The following IFIT1 variants were observed in gnomAD, a reference collection of about 807,000 sequenced individuals.
IFIT1 encodes the protein antiviral innate immune response effector IFIT1.
In IFIT1, 1 loss-of-function variant was observed where a neutral mutation model predicts 2.5. The ratio of observed to expected loss-of-function variants is 0.40; its 90% CI spans 0.14 to 1.92. The LOEUF is 1.92. Ranked by LOEUF, IFIT1 falls within the 40% of genes most tolerant of loss-of-function variation. The probability of loss-of-function intolerance (pLI) is 0.31; values close to 1 mark genes in which losing one functional copy is unlikely to be tolerated. For missense variants in IFIT1, 508 were observed against 557.8 expected, an observed-to-expected ratio of 0.91 and a Z score of 0.90; for synonymous variants, 191 against 201.7, an observed-to-expected ratio of 0.95 and a Z score of 0.45.
At chr10:89,398,006 C>T (rs1844369653) in intron 1 of IFIT1, among the ~76,000 whole-genome samples, 1 of 152,168 alleles carries the variant, frequency 6.6e-6, no homozygotes, top group Non-Finnish European at 1.5e-5. Context: ...CCATGACCAC[C>T]ATCCATCTCC....
chr10:89,401,219 C>T (rs1342299959), intron 1 of IFIT1, among the ~76,000 whole-genome samples: 1 of 151,742 alleles, frequency 6.6e-6, no homozygotes, highest in Non-Finnish European at 1.5e-5. Flanking sequence ...CAGACTCAAG[C>T]GATTCTCCTG....
intron 1 of IFIT1, chr10:89,392,968 G>A: frequency 1.5e-6 from 1 of 664,224 alleles, no homozygotes; most frequent in East Asian, 3.1e-5. Context: ...CCAAAGAAGG[G>A]GAGGGAAATG....
intron 1 of IFIT1, among the ~76,000 whole-genome samples, chr10:89,399,638 T>C (rs1173823488): frequency 6.6e-6 from 1 of 152,144 alleles, no homozygotes; most frequent in African/African-American, 2.4e-5. Context: ...CCTTTCCCCA[T>C]TAGATGGTCT....
At chr10:89,402,209 A>T in intron 1 of IFIT1, 72 bp from the exon 2 acceptor site, 5 of 895,156 alleles carry the variant, frequency 5.6e-6, no homozygotes, top group Non-Finnish European at 8.8e-6. Context: ...CTAAAATACA[A>T]GGTATTTTAT....
At position 89,392,814 on chromosome 10, in the gene IFIT1, G is replaced by A. The variant is rs374494435; in HGVS notation, c.5+97G>A. ...ACAGGTTAGATCTCAGTGAGGTCAGGTTTTCTAATTCCTCGATTTGAGTAT... is the reference window on the plus strand; with the variant it reads ...ACAGGTTAGATCTCAGTGAGGTCAGATTTTCTAATTCCTCGATTTGAGTAT... On this transcript the variant is annotated intron_variant, in intron 1 of 1. Transcript: ENST00000371804. 3.9e-6 allele frequency: 5 copies of A among 1,292,120 alleles called. No homozygotes were observed. In the African/African-American group the frequency reaches 5.9e-5, roughly 15 times the overall value. 80.0% of individuals were successfully genotyped at this position (1,292,120 alleles called of 1,614,324 possible).
intron 1 of IFIT1, among the ~76,000 whole-genome samples, chr10:89,392,920 T>C (rs770893870): frequency 3.3e-5 from 5 of 152,212 alleles, no homozygotes; most frequent in Non-Finnish European, 7.3e-5. Flanking sequence ...TTTATGTTTG[T>C]TAGCATGAAC....
chr10:89,398,939 CTGAGGAA>C (rs1439093858), intron 1 of IFIT1, among the ~76,000 whole-genome samples: 1 of 152,158 alleles, frequency 6.6e-6, no homozygotes, highest in African/African-American at 2.4e-5. Flanking sequence ...GTTAATTTTT[CTGAGGAA>C]TTACCATACC....
chr10:89,400,915 T>C (rs1844411977), intron 1 of IFIT1, among the ~76,000 whole-genome samples: 1 of 152,148 alleles, frequency 6.6e-6, no homozygotes, highest in Non-Finnish European at 1.5e-5. Context: ...ATGGCTTTAA[T>C]TGTGCTGAGA....
intron 1 of IFIT1, chr10:89,393,476 T>A: frequency 2.5e-6 from 1 of 393,236 alleles, no homozygotes; most frequent in Non-Finnish European, 4.4e-6. Context: ...CTCATGCTTG[T>A]AATCCCAGCA....
intron 1 of IFIT1, among the ~76,000 whole-genome samples, chr10:89,394,577 A>AATATATATAT (rs200060906): frequency 1.2e-3 from 125 of 108,680 alleles, no homozygotes; most frequent in Non-Finnish European, 1.9e-3. Flanking sequence ...ACTACAGGAA[A>AATATATATAT]ATATATATAT....
In IFIT1 at chr10:89,402,695, A is replaced by G. The variant is rs1844450490; in HGVS notation, c.420A>G (p.Glu140=). Residue 140 remains glutamate (E), a synonymous_variant, in exon 2 of 2, where the codon GAA becomes GAG. Coordinates refer to ENST00000371804, the MANE Select transcript of IFIT1 (RefSeq NM_001548.5). ...NPFRYRMECP[E]IDCEEGWALL... is the part of the protein sequence containing the mutation. ...TCCGCTATAGAATGGAGTGTCCAGA[A>G]ATAGACTGTGAGGAAGGATGGGCCT... The G allele has an allele frequency of 6.2e-6, 10 of 1,614,236 alleles. No individual in the cohort carries two copies. Among genetic ancestry groups the G allele is most frequent in the Non-Finnish European group, 8.5e-6 (10 of 1,180,038 alleles).
chr10:89,401,802 A>C (rs1189913418), intron 1 of IFIT1, among the ~76,000 whole-genome samples: 2 of 135,690 alleles, frequency 1.5e-5, no homozygotes, highest in African/African-American at 5.6e-5. Flanking sequence ...AAAAAAAAAA[A>C]CCCGGGTCAA....
At chr10:89,399,381 G>A (rs1461707029) in intron 1 of IFIT1, among the ~76,000 whole-genome samples, 2 of 152,154 alleles carry the variant, frequency 1.3e-5, no homozygotes, top group Non-Finnish European at 2.9e-5. Context: ...TTTTGGTGGA[G>A]TCCAGCTTAA....
intron 1 of IFIT1, among the ~76,000 whole-genome samples, chr10:89,398,715 C>G (rs1054208893): frequency 6.6e-6 from 1 of 152,080 alleles, no homozygotes; most frequent in Non-Finnish European, 1.5e-5. Context: ...AATGTCTTTT[C>G]TTTTTTAAGG....
At chr10:89,401,340 C>G (rs1334299533) in intron 1 of IFIT1, among the ~76,000 whole-genome samples, 2 of 152,034 alleles carry the variant, frequency 1.3e-5, no homozygotes, top group Non-Finnish European at 2.9e-5. Context: ...CAGCTGGTCT[C>G]AAACTCCTGA....
chr10:89,399,693 T>C (rs1844394593), intron 1 of IFIT1, among the ~76,000 whole-genome samples: 1 of 152,212 alleles, frequency 6.6e-6, no homozygotes, highest in South Asian at 2.1e-4. Context: ...ATGGAATGAA[T>C]TGTGCACTTC....
rs1589640427 is a variant in IFIT1, at chr10:89,403,148, A to G, written c.873A>G (p.Ile291Met). 1 of 1,614,028 alleles carries G rather than the reference A, an allele frequency of 6.2e-7. No individual in the cohort carries two copies. Among genetic ancestry groups the G allele is most frequent in the Admixed American group, 1.7e-5 (1 of 59,998 alleles). The change falls in exon 2 of 2, where the codon ATA (isoleucine) becomes ATG (methionine). Residue 291 changes from isoleucine to methionine, a missense_variant. Coordinates refer to ENST00000371804, the MANE Select transcript of IFIT1 (RefSeq NM_001548.5). ...TPTSVLLHHQ[I>M]GLCYKAQMIQ... ...CTTCTGTCTTACTGCATCACCAGAT[A>G]GGGCTTTGCTACAAGGCACAAATGA...
At position 89,403,288 on chromosome 10, in the gene IFIT1, C is replaced by T; in HGVS notation, c.1013C>T (p.Thr338Ile). 6.2e-7 allele frequency: 1 copy of T among 1,614,152 alleles called. No individual in the cohort carries two copies. Among genetic ancestry groups the T allele is most frequent in the Middle Eastern group, 1.6e-4 (1 of 6,062 alleles). ...GAATCTGCAGTGGAAAAAAAGCCCACATTTGAGGTGGCTCATCTAGACCTG... is the reference window on the plus strand; with the variant it reads ...GAATCTGCAGTGGAAAAAAAGCCCATATTTGAGGTGGCTCATCTAGACCTG... ...HFESAVEKKPTFEVAHLDLAR... is the reference protein window; with the variant it reads ...HFESAVEKKPIFEVAHLDLAR... The change falls in exon 2 of 2, where the codon ACA (threonine) becomes ATA (isoleucine). Residue 338 changes from threonine to isoleucine, a missense_variant. Thr to Ile is a moderately conservative substitution (Grantham distance 89). Transcript: ENST00000371804.
intron 1 of IFIT1, among the ~76,000 whole-genome samples, chr10:89,395,081 A>G (rs7919999): frequency 0.026 from 3,881 of 152,148 alleles, 113 homozygotes; most frequent in African/African-American, 0.071. Context: ...CAGTTCCTCA[A>G]TGTGATTGAT....
Sources: gnomAD v4.1 joint callset for allele counts (sites outside exome capture counted in the v4.1 genomes callset) on GRCh38, gnomAD v4.1.1 for gene constraint, MANE v1.5 for transcripts, NCBI Gene and HGNC (gene_info 2026-07-23, HGNC 2026-07-21) for gene names.